Variants in DYSF observed in about 807,000 individuals in gnomAD.
DYSF encodes dysferlin.
A neutral mutation model predicts 274.9 loss-of-function variants in DYSF; 212 were observed. The ratio of observed to expected loss-of-function variants is 0.77; its 90% CI spans 0.69 to 0.86. DYSF has a LOEUF of 0.86. Among genes scored for constraint, DYSF ranks in the 40% least tolerant of loss-of-function variants. The probability of loss-of-function intolerance (pLI) is 0.00; values close to 1 mark genes in which losing one functional copy is unlikely to be tolerated. For missense variants in DYSF, 2,666 were observed against 2,783.2 expected (o/e 0.96, Z 0.95); for synonymous variants, 1,091 against 1,078.7 (o/e 1.01, Z -0.22).
At chr2:71,607,571 G>A (rs2093669415) in intron 36 of DYSF, among the ~76,000 whole-genome samples, 1 of 152,198 alleles carries the variant, frequency 6.6e-6, no homozygotes, top group Non-Finnish European at 1.5e-5. Flanking sequence ...GGGAGAGGGT[G>A]TCAAAACCAA....
intron 10 of DYSF, among the ~76,000 whole-genome samples, chr2:71,518,973 A>T (rs1303231779): frequency 6.6e-6 from 1 of 151,686 alleles, no homozygotes; most frequent in Non-Finnish European, 1.5e-5. Flanking sequence ...TGCGCCTGTA[A>T]TCCCAGCTAC....
intron 55 of DYSF, among the ~76,000 whole-genome samples, chr2:71,682,884 C>G (rs2095313321): frequency 1.3e-5 from 2 of 152,140 alleles, no homozygotes; most frequent in African/African-American, 4.8e-5. Context: ...GGCTCTTAGT[C>G]CAGTGAGAGA....
At chr2:71,617,165 C>A (rs2093903950) in intron 40 of DYSF, among the ~76,000 whole-genome samples, 1 of 152,178 alleles carries the variant, frequency 6.6e-6, no homozygotes, top group East Asian at 1.9e-4. Flanking sequence ...GGTAGAGGGG[C>A]TCCTCTTCAA....
At chr2:71,472,460 G>A (rs1192299732) in intron 1 of DYSF, among the ~76,000 whole-genome samples, 1 of 152,134 alleles carries the variant, frequency 6.6e-6, no homozygotes, top group Non-Finnish European at 1.5e-5. Flanking sequence ...AGGCTGGAGT[G>A]GAGTGGCGCG....
At chr2:71,656,412 G>T in intron 43 of DYSF, 122 bp downstream of exon 43, 3 of 1,391,788 alleles carry the variant, frequency 2.2e-6, no homozygotes, top group Non-Finnish European at 2.0e-6. Flanking sequence ...TGACCACATG[G>T]GTAATGGAGG....
chr2:71,464,330 C>T (rs193178858), upstream of DYSF, among the ~76,000 whole-genome samples: 1 of 152,328 alleles, frequency 6.6e-6, no homozygotes, highest in Non-Finnish European at 1.5e-5. Context: ...ACCCCTGGCT[C>T]CTTGGAGCAG....
chr2:71,549,210 C>T (rs1167852661), intron 17 of DYSF: 9 of 771,914 alleles, frequency 1.2e-5, no homozygotes, highest in Admixed American at 4.3e-5. Flanking sequence ...GGTGGGGCCT[C>T]GGGCCACATC....
intron 41 of DYSF, among the ~76,000 whole-genome samples, chr2:71,622,927 A>G (rs1308435151): frequency 6.6e-6 from 1 of 152,216 alleles, no homozygotes; most frequent in East Asian, 1.9e-4. Context: ...TTGTTAGTTT[A>G]TTAATAGCTT....
Position 71,645,583 on chromosome 2 carries a change from G to A in DYSF, c.4626+1520G>A, listed in dbSNP as rs114402140. Among the ~76,000 whole-genome samples, 958 of 151,950 alleles carry A rather than the reference G, an allele frequency of 6.3e-3. 9 individuals are homozygous for A. Among genetic ancestry groups the A allele is most frequent in the African/African-American group, 0.022 (920 of 41,414 alleles). On this transcript the variant is annotated intron_variant, in intron 42 of 55. Transcript: ENST00000410020. ...CACAGAATGGGGGTGTGGCAGGCCA[G>A]GATGGTCTTGGGAAATGCAGCATTT...
At chr2:71,611,195 C>A in intron 36 of DYSF, 50 bp from the exon 37 acceptor site, 1 of 1,389,944 alleles carries the variant, frequency 7.2e-7, no homozygotes, top group South Asian at 1.2e-5. Flanking sequence ...GTCTTTTTGC[C>A]TTGGTCTTCC....
intron 43 of DYSF, 53 bp downstream of exon 43, chr2:71,656,343 G>A: frequency 1.9e-6 from 3 of 1,610,644 alleles, no homozygotes; most frequent in Non-Finnish European, 2.5e-6. Flanking sequence ...TGTGGTGTTG[G>A]AGCAATAAGT....
At position 71,686,554 on chromosome 2, in the gene DYSF, C is replaced by T. The variant is rs1573233862; in HGVS notation, c.*62C>T. 2.5e-6 allele frequency: 4 copies of T among 1,600,970 alleles called. No homozygotes were observed. The highest frequency in any genetic ancestry group is 3.4e-6 in the Non-Finnish European group (4 of 1,169,314). On this transcript the variant is annotated 3_prime_UTR_variant, in exon 56 of 56. Coordinates refer to ENST00000410020, the MANE Select transcript of DYSF (RefSeq NM_001130987.2). ...CCTCCAGCATGGGACTGGCCTGCCT[C>T]CTCCGCCCAGCTCGGCGAGCTCCTC...
At position 71,530,741 on chromosome 2, in the gene DYSF, T is replaced by C. The variant is rs112123073; in HGVS notation, c.1380+2340T>C. On this transcript the variant is annotated intron_variant, in intron 14 of 55. Transcript: ENST00000410020. ...GTCCTCTCTGCCCTAAGCCACCTCCTTGTGGCGTCCCCGCTTCTGCTGCTC... is the reference window on the plus strand; with the variant it reads ...GTCCTCTCTGCCCTAAGCCACCTCCCTGTGGCGTCCCCGCTTCTGCTGCTC... Among the ~76,000 whole-genome samples, 832 of 152,274 alleles carry C rather than the reference T, an allele frequency of 5.5e-3. 6 individuals are homozygous for C. The highest frequency in any genetic ancestry group is 0.048 in the Middle Eastern group (14 of 294).
chr2:71,613,504 C>T, intron 40 of DYSF, 94 bp downstream of exon 40: 12 of 1,090,862 alleles, frequency 1.1e-5, no homozygotes, highest in Non-Finnish European at 1.7e-5. Context: ...CATTATCACA[C>T]AGCCTCTATA....
Position 71,553,013 on chromosome 2 carries a change from G to GTACCT in DYSF, c.1812_1816dup (p.Arg606ThrfsTer41). On this transcript the variant is annotated frameshift_variant, in exon 20 of 56. Transcript: ENST00000410020. LOFTEE classifies it high-confidence loss of function. The stretch of plus-strand genomic sequence containing the variant: ...TCTGGTCTACTCTCTGCTCTCAGAA[G>GTACCT]TACCTTAGGAGGCGCAAGTACTCCC... 2 of 1,614,180 alleles carry GTACCT rather than the reference G, an allele frequency of 1.2e-6. No homozygotes were observed. Among genetic ancestry groups the GTACCT allele is most frequent in the Non-Finnish European group, 1.7e-6 (2 of 1,180,034 alleles).
intron 30 of DYSF, among the ~76,000 whole-genome samples, chr2:71,585,994 C>T (rs2093054185): frequency 6.6e-6 from 1 of 151,668 alleles, no homozygotes; most frequent in Non-Finnish European, 1.5e-5. Flanking sequence ...CAGAGTGTTG[C>T]AGCTGGTGTG....
At chr2:71,492,269 GGAA>G (rs1327473356) in intron 3 of DYSF, among the ~76,000 whole-genome samples, 1 of 152,176 alleles carries the variant, frequency 6.6e-6, no homozygotes, top group Non-Finnish European at 1.5e-5. Flanking sequence ...CAGGGGCTCT[GGAA>G]TGTCCTGCTG....
At chr2:71,467,083 C>A in intron 1 of DYSF, 150 bp downstream of exon 1, 1 of 1,172,794 alleles carries the variant, frequency 8.5e-7, no homozygotes, top group Non-Finnish European at 1.2e-6. Context: ...CCAGCCCCGA[C>A]TTCTGCAGGG....
chr2:71,463,083 C>T (rs1007734401), upstream of DYSF, among the ~76,000 whole-genome samples: 3 of 152,208 alleles, frequency 2.0e-5, no homozygotes, highest in African/African-American at 7.2e-5. Flanking sequence ...CTCCTGCTGC[C>T]ATCAACATGT....
Sources: allele counts gnomAD v4.1 joint callset (sites outside exome capture counted in the v4.1 genomes callset), GRCh38; gene constraint gnomAD v4.1.1; transcripts MANE v1.5; gene names NCBI Gene and HGNC (gene_info 2026-07-23, HGNC 2026-07-21).